The following AFG2A variants were observed in gnomAD, a reference collection of about 807,000 sequenced individuals.
The protein encoded by AFG2A is AAA ATPase AFG2A.
the AFG2A span, among the ~76,000 whole-genome samples, chr4:123,234,631 ATCT>A: frequency 6.6e-6 from 1 of 152,174 alleles, no homozygotes. Flanking sequence ...TTCTCTAATT[ATCT>A]TCATATCAAA....
the AFG2A span, among the ~76,000 whole-genome samples, chr4:123,085,367 G>A: frequency 1.3e-5 from 2 of 152,068 alleles, no homozygotes; most frequent in African/African-American, 2.4e-5. Context: ...TTTGCCTCAC[G>A]TTTTGCTGAT....
the AFG2A span, among the ~76,000 whole-genome samples, chr4:123,201,323 T>C: frequency 2.0e-5 from 3 of 152,322 alleles, no homozygotes; most frequent in East Asian, 5.8e-4. Context: ...GGCTGATGTT[T>C]AACAACAATC....
the AFG2A span, among the ~76,000 whole-genome samples, chr4:123,219,417 A>G: frequency 6.6e-6 from 1 of 152,166 alleles, no homozygotes; most frequent in African/African-American, 2.4e-5. Context: ...TCCTCTGACA[A>G]CACCCTCACA....
At chr4:122,999,839 G>C in the AFG2A span, among the ~76,000 whole-genome samples, 1 of 151,834 alleles carries the variant, frequency 6.6e-6, no homozygotes, top group Non-Finnish European at 1.5e-5. Flanking sequence ...CTCCAATTCT[G>C]TGAAGAAAGT....
At chr4:123,064,123 C>A in the AFG2A span, among the ~76,000 whole-genome samples, 2 of 152,136 alleles carry the variant, frequency 1.3e-5, no homozygotes, top group African/African-American at 4.8e-5. Context: ...ATATTTACTT[C>A]TCTTCTGTAT....
At chr4:123,315,898 C>T in the AFG2A span, 1 of 152,260 alleles carries the variant, frequency 6.6e-6, no homozygotes, top group Non-Finnish European at 1.5e-5. Context: ...CCTGACTCAG[C>T]CTCCTGAGTA....
the AFG2A span, among the ~76,000 whole-genome samples, chr4:123,265,993 G>C: frequency 6.6e-6 from 1 of 151,990 alleles, no homozygotes; most frequent in African/African-American, 2.4e-5. Flanking sequence ...GTTAGGTTCT[G>C]TTAACCTGAG....
At chr4:122,961,111 G>A in the AFG2A span, among the ~76,000 whole-genome samples, 8 of 152,164 alleles carry the variant, frequency 5.3e-5, no homozygotes, top group African/African-American at 1.4e-4. Context: ...CACCAGCTAA[G>A]TAGGGATAAC....
the AFG2A span, among the ~76,000 whole-genome samples, chr4:123,035,558 T>C: frequency 6.6e-6 from 1 of 152,184 alleles, no homozygotes; most frequent in Non-Finnish European, 1.5e-5. Flanking sequence ...GGAATAGTTA[T>C]TGTGCCATTG....
At chr4:122,991,576 C>T in the AFG2A span, among the ~76,000 whole-genome samples, 1 of 152,128 alleles carries the variant, frequency 6.6e-6, no homozygotes, top group Non-Finnish European at 1.5e-5. Context: ...GGGTAATTAA[C>T]TATCAAAAGC....
the AFG2A span, among the ~76,000 whole-genome samples, chr4:123,046,057 A>G: frequency 0.011 from 1,618 of 151,804 alleles, 12 homozygotes; most frequent in Middle Eastern, 0.041. Flanking sequence ...AGATTGCACC[A>G]CTGCCCTCCA....
chr4:123,057,348 A>T, the AFG2A span: 1 of 1,496,888 alleles, frequency 6.7e-7, no homozygotes, highest in Non-Finnish European at 9.3e-7. Flanking sequence ...TAATAATAGC[A>T]ATTATGGTAT....
the AFG2A span, among the ~76,000 whole-genome samples, chr4:122,988,644 C>T: frequency 7.9e-5 from 12 of 152,078 alleles, no homozygotes; most frequent in African/African-American, 1.7e-4. Context: ...ATCCACCCGC[C>T]TCAGCCTCCT....
the AFG2A span, among the ~76,000 whole-genome samples, chr4:123,309,257 A>G: frequency 6.6e-6 from 1 of 152,126 alleles, no homozygotes; most frequent in Non-Finnish European, 1.5e-5. Flanking sequence ...AAATAATACA[A>G]ATTTATTGCT....
the AFG2A span, among the ~76,000 whole-genome samples, chr4:122,946,613 G>A: frequency 6.6e-6 from 1 of 151,994 alleles, no homozygotes; most frequent in Non-Finnish European, 1.5e-5. Flanking sequence ...GGCTGATCAT[G>A]ATCATAGTTC....
chr4:123,171,861 A>T, the AFG2A span, among the ~76,000 whole-genome samples: 2 of 151,904 alleles, frequency 1.3e-5, no homozygotes, highest in African/African-American at 4.8e-5. Context: ...ACTGTGTGTG[A>T]CGTAGTTTAA....
the AFG2A span, among the ~76,000 whole-genome samples, chr4:123,026,969 C>T: frequency 1.3e-5 from 2 of 152,126 alleles, no homozygotes; most frequent in South Asian, 2.1e-4. Flanking sequence ...GAATATTACC[C>T]TAGATACCAT....
At chr4:123,288,447 A>T in the AFG2A span, among the ~76,000 whole-genome samples, 1 of 152,202 alleles carries the variant, frequency 6.6e-6, no homozygotes, top group African/African-American at 2.4e-5. Context: ...TTGAGTATGT[A>T]CATACAAGTA....
the AFG2A span, among the ~76,000 whole-genome samples, chr4:123,299,392 C>G: frequency 6.6e-6 from 1 of 152,068 alleles, no homozygotes; most frequent in Non-Finnish European, 1.5e-5. Context: ...TGTAGCTTGT[C>G]TAAAGTTTAG....
Sources: allele counts gnomAD v4.1 joint callset (sites outside exome capture counted in the v4.1 genomes callset), GRCh38; gene constraint gnomAD v4.1.1; transcripts MANE v1.5; gene names NCBI Gene and HGNC (gene_info 2026-07-23, HGNC 2026-07-21).